The following ODAD1 variants were observed in gnomAD, a reference collection of about 807,000 sequenced individuals.
The protein encoded by ODAD1 is outer dynein arm-docking complex subunit 1.
Under a neutral mutation model 67.2 loss-of-function variants are expected in ODAD1, and 49 were observed. That is an observed-to-expected ratio of 0.73 (90% CI 0.58 to 0.92). The LOEUF is 0.92. Ranked by LOEUF, ODAD1 falls within the 40% of genes least tolerant of loss-of-function variation. The pLI is 0.00. For missense variants in ODAD1, 897 were observed against 953.7 expected (o/e 0.94, Z 0.78); for synonymous variants, 345 against 393.7 (o/e 0.88, Z 1.46).
intron 5 of ODAD1, among the ~76,000 whole-genome samples, chr19:48,318,052 G>A (rs1042843793): frequency 2.0e-5 from 3 of 150,142 alleles, no homozygotes; most frequent in African/African-American, 2.4e-5. Context: ...CAGCCTGGGC[G>A]ACAGAGCAAG....
In ODAD1 at chr19:48,306,262, G is replaced by A. The variant is rs1467857020; in HGVS notation, c.659C>T (p.Ala220Val). ...GGATACCCGCAGTCTCTACCTGACG[G>A]CGTAGGCAGAGGTGGAGGAGAGGAT... is the stretch of plus-strand genomic sequence containing the variant. ...TLILSSTSAY[A>V]VREEAKAKMG... Residue 220 changes from alanine to valine, a missense_variant, in exon 8 of 16, where the codon GCC (alanine) becomes GTC (valine). Transcript: ENST00000674294. The A allele has an allele frequency of 1.3e-6, 2 of 1,551,638 alleles. No homozygotes were observed. The highest frequency in any genetic ancestry group is 4.9e-5 in the East Asian group (2 of 40,918).
At position 48,303,726 on chromosome 19, in the gene ODAD1, G is replaced by A. The variant is rs376419237; in HGVS notation, c.912C>T (p.Tyr304=). The A allele has an allele frequency of 4.8e-5, 77 of 1,613,884 alleles. No individual in the cohort carries two copies. Among genetic ancestry groups the A allele is most frequent in the East Asian group, 3.6e-4 (16 of 44,890 alleles). Residue 304 remains tyrosine, a synonymous_variant, in exon 10 of 16, where the codon TAC becomes TAT. Coordinates refer to ENST00000674294, the MANE Select transcript of ODAD1 (RefSeq NM_001364171.2). ...GGGACAGTTTATTCAGGGCGTCCTCGTAGCAAAGCACCAGCCTCTCCTGGG... is the reference window on the plus strand; with the variant it reads ...GGGACAGTTTATTCAGGGCGTCCTCATAGCAAAGCACCAGCCTCTCCTGGG... ...KTSQERLVLC[Y]EDALNKLSQL...
At chr19:48,311,467 A>C in intron 7 of ODAD1, 86 bp downstream of exon 7, 1 of 760,854 alleles carries the variant, frequency 1.3e-6, no homozygotes. Flanking sequence ...TTGAGGCCTG[A>C]GTGCTAGAGC....
intron 1 of ODAD1, among the ~76,000 whole-genome samples, chr19:48,321,055 G>A (rs959008787): frequency 6.6e-6 from 1 of 152,180 alleles, no homozygotes; most frequent in Non-Finnish European, 1.5e-5. Flanking sequence ...TGGCCAACAT[G>A]GTGAAACCCC....
At chr19:48,311,927 A>G (rs571994658) in intron 6 of ODAD1, 67 bp downstream of exon 6, 45 of 1,460,352 alleles carry the variant, frequency 3.1e-5, no homozygotes, top group Middle Eastern at 4.5e-4. Flanking sequence ...CCAGAATCCA[A>G]TGACCATGCC....
intron 7 of ODAD1, among the ~76,000 whole-genome samples, chr19:48,308,755 A>G (rs1001769772): frequency 3.3e-5 from 5 of 151,926 alleles, no homozygotes; most frequent in African/African-American, 2.4e-5. Context: ...CAGAGCAGGC[A>G]GGATCCCCGC....
At chr19:48,315,500 C>T (rs1207177769) in intron 5 of ODAD1, among the ~76,000 whole-genome samples, 3 of 152,078 alleles carry the variant, frequency 2.0e-5, no homozygotes, top group Non-Finnish European at 2.9e-5. Flanking sequence ...GCTGAGACTG[C>T]GCCACTGCAC....
chr19:48,318,377 C>T lies in ODAD1; in HGVS notation c.360+10G>A. ...AAGCAGGATCCGTAGAACCACCTCT[C>T]AAACCCCACCTGCTTGTCCAGGGCC... On this transcript the variant is annotated intron_variant, in intron 5 of 15. Coordinates refer to ENST00000674294, the MANE Select transcript of ODAD1 (RefSeq NM_001364171.2). The T allele has an allele frequency of 1.3e-6, 2 of 1,549,528 alleles. No individual in the cohort carries two copies. Among genetic ancestry groups the T allele is most frequent in the Non-Finnish European group, 1.7e-6 (2 of 1,145,468 alleles).
chr19:48,297,404 T>C lies in ODAD1; in HGVS notation c.1696A>G (p.Ser566Gly). Residue 566 changes from serine to glycine, a missense_variant, in exon 16 of 16, where the codon AGT becomes GGT. Transcript: ENST00000674294. Reference sequence around the variant, plus strand: ...TGCCTGGTGGGCACCAGGACGGTACTGGAGCCGGCCCTCTGGGTGCTGGCC... The same window carrying C: ...TGCCTGGTGGGCACCAGGACGGTACCGGAGCCGGCCCTCTGGGTGCTGGCC... The part of the protein sequence containing the change: ...DLASTQRAGS[S>G]TVLVPTRHPH... 1 of 1,606,064 alleles carries C rather than the reference T, an allele frequency of 6.2e-7. No homozygotes were observed. Among genetic ancestry groups the C allele is most frequent in the Non-Finnish European group, 8.5e-7 (1 of 1,179,860 alleles).
rs780723224 is a variant in ODAD1 at position 48,297,163 on chromosome 19, T to A, written c.1937A>T (p.Tyr646Phe). 69 of 1,613,976 alleles carry A rather than the reference T, an allele frequency of 4.3e-5. No homozygotes were observed. The highest frequency in any genetic ancestry group is 5.3e-5 in the Non-Finnish European group (63 of 1,180,002). ...CCCCACGTATCCAGTGGAGCCCAGG[T>A]AGCTGCTGGCGCTGACGGGTCTGAA... ...VTFRPVSASS[Y>F]LGSTGYVGSS... The change falls in exon 16 of 16, where the codon TAC (tyrosine) becomes TTC (phenylalanine). Residue 646 changes from tyrosine to phenylalanine, a missense_variant. Tyr to Phe is a conservative substitution (Grantham distance 22). Coordinates refer to ENST00000674294, the MANE Select transcript of ODAD1 (RefSeq NM_001364171.2).
chr19:48,311,427 G>A (rs1968758149), intron 7 of ODAD1, 126 bp downstream of exon 7: 1 of 619,160 alleles, frequency 1.6e-6, no homozygotes, highest in African/African-American at 1.8e-5. Context: ...TTGGACTAAA[G>A]CAAGCCTACC....
chr19:48,318,607 A>G (rs1382687620), intron 4 of ODAD1, 31 bp from the exon 5 acceptor site: 4 of 1,547,736 alleles, frequency 2.6e-6, no homozygotes, highest in Non-Finnish European at 3.5e-6. Context: ...AAGAGGGGCC[A>G]GTAAGGGGGC....
rs745962113 is a variant in ODAD1 at position 48,303,780 on chromosome 19, C to T, written c.858G>A (p.Gly286=). 6.2e-7 allele frequency: 1 copy of T among 1,607,730 alleles called. No homozygotes were observed. Among genetic ancestry groups the T allele is most frequent in the South Asian group, 1.1e-5 (1 of 90,122 alleles). ...TCTTCCAGACGCCCTCGGCCACCTC[C>T]CCGGCTAGGGGAAGAGAGAACAGCA... The part of the protein sequence containing the change: ...DVLEKREKQA[G]EVAEGVWKTS... The change falls in exon 10 of 16, where the codon GGG becomes GGA. Residue 286 remains glycine, a synonymous_variant. Transcript: ENST00000674294.
At chr19:48,315,676 C>G (rs897454205) in intron 5 of ODAD1, among the ~76,000 whole-genome samples, 1 of 152,158 alleles carries the variant, frequency 6.6e-6, no homozygotes, top group Admixed American at 6.6e-5. Context: ...GAGTCTCCCC[C>G]CAGCAATCAC....
chr19:48,303,495 G>A (rs1488516819), intron 10 of ODAD1, 155 bp downstream of exon 10: 28 of 855,824 alleles, frequency 3.3e-5, no homozygotes, highest in South Asian at 1.2e-4. Flanking sequence ...ACGGTAAGAC[G>A]CCAGTGGACG....
chr19:48,309,673 G>A (rs144326857), intron 7 of ODAD1, among the ~76,000 whole-genome samples: 34 of 152,306 alleles, frequency 2.2e-4, no homozygotes, highest in African/African-American at 6.3e-4. Context: ...GAAAAGTGAC[G>A]CCGTAAATAT....
chr19:48,306,373 C>T, intron 7 of ODAD1, 50 bp from the exon 8 acceptor site: 3 of 1,479,980 alleles, frequency 2.0e-6, no homozygotes, highest in Non-Finnish European at 2.8e-6. Context: ...AACCCCATTG[C>T]TCGAAGTCTT....
intron 7 of ODAD1, among the ~76,000 whole-genome samples, chr19:48,308,756 G>C (rs1968682598): frequency 6.6e-6 from 1 of 151,946 alleles, no homozygotes; most frequent in Non-Finnish European, 1.5e-5. Flanking sequence ...AGAGCAGGCA[G>C]GATCCCCGCC....
At chr19:48,320,174 T>C (rs546295798) in intron 3 of ODAD1, 125 bp downstream of exon 3, 1 of 866,962 alleles carries the variant, frequency 1.2e-6, no homozygotes, top group East Asian at 8.0e-5. Flanking sequence ...TTAGGGCGCA[T>C]GTCTGTTCCC....
Sources: gnomAD v4.1 joint callset for allele counts (sites outside exome capture counted in the v4.1 genomes callset) on GRCh38, gnomAD v4.1.1 for gene constraint, MANE v1.5 for transcripts, NCBI Gene and HGNC (gene_info 2026-07-23, HGNC 2026-07-21) for gene names.